The following SCLT1 variants were observed in gnomAD, a reference collection of about 807,000 sequenced individuals.
The protein encoded by SCLT1 is sodium channel and clathrin linker 1.
Under a neutral mutation model 112.8 loss-of-function variants are expected in SCLT1, and 78 were observed. The observed-to-expected ratio is 0.69, with a 90% CI of 0.58 to 0.83. SCLT1 has a LOEUF of 0.83. Among genes scored for constraint, SCLT1 ranks in the 40% least tolerant of loss-of-function variants. The pLI is 0.00. For synonymous variants in SCLT1, 257 were observed against 254.7 expected (o/e 1.01, Z -0.09); for missense variants, 747 against 770.4 (o/e 0.97, Z 0.36).
intron 20 of SCLT1, among the ~76,000 whole-genome samples, 172 bp downstream of exon 20, chr4:128,888,507 C>T (rs1733063550): frequency 6.6e-6 from 1 of 152,174 alleles, no homozygotes; most frequent in Non-Finnish European, 1.5e-5. Flanking sequence ...TGCGAGCCAC[C>T]ACGCATAGCT....
At position 128,967,695 on chromosome 4, in the gene SCLT1, G is replaced by GT. The variant is rs1163526217; in HGVS notation, c.778-2378dup. 4.7e-4 allele frequency among the ~76,000 whole-genome samples: 71 copies of GT among 150,904 alleles called. No individual in the cohort carries two copies. The East Asian group carries it at 9.5e-3, about 20-fold the overall frequency. ...TTATGTCCGCTGCCTACTTTTTAATGTTTTTTTTTCTCTTGTAAATTTGTT... is the reference window on the plus strand; with the variant it reads ...TTATGTCCGCTGCCTACTTTTTAATGTTTTTTTTTTCTCTTGTAAATTTGTT... On this transcript the variant is annotated intron_variant, in intron 10 of 20. Coordinates refer to ENST00000281142, the MANE Select transcript of SCLT1 (RefSeq NM_144643.4).
At chr4:129,045,927 G>A (rs946446758) in intron 2 of SCLT1, among the ~76,000 whole-genome samples, 2 of 152,032 alleles carry the variant, frequency 1.3e-5, no homozygotes, top group African/African-American at 2.4e-5. Context: ...TGGATGGATT[G>A]TAGAGTTATA....
At chr4:129,068,292 T>G (rs1750673292) in intron 2 of SCLT1, among the ~76,000 whole-genome samples, 1 of 152,194 alleles carries the variant, frequency 6.6e-6, no homozygotes, top group Non-Finnish European at 1.5e-5. Context: ...TTAAGGAATC[T>G]CCACACTGAT....
chr4:128,968,818 G>A (rs2126029962), intron 10 of SCLT1, among the ~76,000 whole-genome samples: 1 of 152,268 alleles, frequency 6.6e-6, no homozygotes, highest in South Asian at 2.1e-4. Context: ...AGTTCTTACT[G>A]CTTTCCACTG....
chr4:128,977,022 T>C (rs1741235080), intron 9 of SCLT1, among the ~76,000 whole-genome samples: 2 of 152,144 alleles, frequency 1.3e-5, no homozygotes, highest in Non-Finnish European at 2.9e-5. Flanking sequence ...AAACCTGACA[T>C]TTGTGAAAAA....
intron 2 of SCLT1, among the ~76,000 whole-genome samples, chr4:129,081,595 C>G (rs959138099): frequency 6.6e-6 from 1 of 152,134 alleles, no homozygotes; most frequent in African/African-American, 2.4e-5. Flanking sequence ...CTTTAAACCA[C>G]CAGATCTCAT....
intron 8 of SCLT1, among the ~76,000 whole-genome samples, chr4:128,996,975 A>G (rs1264024368): frequency 6.6e-6 from 1 of 152,026 alleles, no homozygotes; most frequent in Non-Finnish European, 1.5e-5. Context: ...TACTAATTCC[A>G]TATAGAAATA....
chr4:128,942,411 A>C (rs1053448839), intron 17 of SCLT1, among the ~76,000 whole-genome samples: 2 of 152,168 alleles, frequency 1.3e-5, no homozygotes, highest in Non-Finnish European at 2.9e-5. Flanking sequence ...AAAGGTAAGC[A>C]AGATGTTGAT....
intron 18 of SCLT1, among the ~76,000 whole-genome samples, chr4:128,899,414 T>A (rs1479352229): frequency 1.3e-5 from 2 of 152,104 alleles, no homozygotes; most frequent in African/African-American, 4.8e-5. Flanking sequence ...ACAGAACCAA[T>A]GACAAAAACC....
intron 1 of SCLT1, among the ~76,000 whole-genome samples, chr4:129,091,772 C>T (rs1023315516): frequency 1.3e-5 from 2 of 152,132 alleles, no homozygotes; most frequent in Admixed American, 1.3e-4. Context: ...TTCTTATACT[C>T]ATTATATAAA....
At chr4:129,009,377 G>A (rs1207421801) in intron 5 of SCLT1, among the ~76,000 whole-genome samples, 1 of 152,134 alleles carries the variant, frequency 6.6e-6, no homozygotes, top group African/African-American at 2.4e-5. Context: ...AGCCAGGCAT[G>A]GTGGTGGGCA....
chr4:128,885,779 G>A (rs1267301704), intron 20 of SCLT1, among the ~76,000 whole-genome samples: 1 of 152,208 alleles, frequency 6.6e-6, no homozygotes. Flanking sequence ...AATAATATGT[G>A]AAAGTGCCAG....
chr4:129,082,414 T>C (rs1283248786), intron 1 of SCLT1, 41 bp from the exon 2 acceptor site: 4 of 1,249,372 alleles, frequency 3.2e-6, no homozygotes, highest in Admixed American at 1.9e-5. Context: ...CATTGAGTAA[T>C]GGTCAATTCT....
At chr4:128,973,900 C>A (rs1015728429) in intron 9 of SCLT1, among the ~76,000 whole-genome samples, 5 of 151,886 alleles carry the variant, frequency 3.3e-5, no homozygotes, top group African/African-American at 9.7e-5. Flanking sequence ...GTAAATAGTT[C>A]TTTATATCTA....
At chr4:129,002,436 G>T (rs929838531) in intron 6 of SCLT1, among the ~76,000 whole-genome samples, 3 of 151,922 alleles carry the variant, frequency 2.0e-5, no homozygotes, top group Non-Finnish European at 2.9e-5. Context: ...GAAATATAAT[G>T]TTAGAAAAAT....
intron 9 of SCLT1, among the ~76,000 whole-genome samples, chr4:128,982,148 C>T (rs942156204): frequency 6.6e-6 from 1 of 152,104 alleles, no homozygotes; most frequent in Admixed American, 6.6e-5. Flanking sequence ...GAGAAAAGAT[C>T]TGAGAGATAA....
chr4:128,936,185 AG>A (rs566871191), intron 18 of SCLT1, among the ~76,000 whole-genome samples: 2 of 152,124 alleles, frequency 1.3e-5, no homozygotes, highest in Non-Finnish European at 2.9e-5. Flanking sequence ...ATGGTGATAT[AG>A]TAGATCATTC....
chr4:129,045,149 A>G (rs1462947288), intron 2 of SCLT1, among the ~76,000 whole-genome samples: 2 of 152,048 alleles, frequency 1.3e-5, no homozygotes, highest in African/African-American at 4.8e-5. Flanking sequence ...AATTATTGCA[A>G]GAAAATGCAT....
At chr4:128,890,131 A>G (rs191565970) in intron 19 of SCLT1, among the ~76,000 whole-genome samples, 447 of 152,276 alleles carry the variant, frequency 2.9e-3, no homozygotes, top group Non-Finnish European at 5.2e-3. Flanking sequence ...ATCATCTGTA[A>G]TAATCATTTT....
Sources: allele counts gnomAD v4.1 joint callset (sites outside exome capture counted in the v4.1 genomes callset), GRCh38; gene constraint gnomAD v4.1.1; transcripts MANE v1.5; gene names NCBI Gene and HGNC (gene_info 2026-07-23, HGNC 2026-07-21).